Variants in DNAH14 observed in about 807,000 individuals in gnomAD.
DNAH14 encodes dynein axonemal heavy chain 14, also known as axonemal beta dynein heavy chain 14.
DNAH14 carries 478 observed loss-of-function variants against 520.9 expected under a neutral mutation model. That is an observed-to-expected ratio of 0.92 (90% CI 0.85 to 0.99). The LOEUF (loss-of-function observed/expected upper bound fraction) is 0.99, where lower values mean the gene tolerates loss of function less well. Among genes scored for constraint, DNAH14 ranks in the 50% least tolerant of loss-of-function variants. The pLI is 0.00. For missense variants in DNAH14, 4,831 were observed against 5,234.5 expected (o/e 0.92, Z 2.38); for synonymous variants, 1,581 against 1,757.2 (o/e 0.90, Z 2.51).
chr1:225,245,749 T>C (rs630210), intron 43 of DNAH14, among the ~76,000 whole-genome samples: 92,018 of 151,912 alleles, frequency 0.61, 28,434 homozygotes, highest in East Asian at 0.83. Context: ...GAAAAATATT[T>C]CATGCTCATG....
At chr1:225,095,502 G>A (rs567220960) in intron 21 of DNAH14, among the ~76,000 whole-genome samples, 31 of 152,278 alleles carry the variant, frequency 2.0e-4, no homozygotes, top group African/African-American at 7.2e-4. Context: ...GTACTTGAAG[G>A]TGGAGGGTGG....
intron 66 of DNAH14, among the ~76,000 whole-genome samples, chr1:225,333,921 G>T (rs1160769551): frequency 1.3e-5 from 2 of 152,168 alleles, no homozygotes; most frequent in Admixed American, 1.3e-4. Context: ...ATCCTATGCT[G>T]ATGTTTAAAG....
intron 10 of DNAH14, among the ~76,000 whole-genome samples, chr1:225,012,444 C>T (rs1386983197): frequency 1.3e-5 from 2 of 151,688 alleles, no homozygotes; most frequent in Admixed American, 6.6e-5. Context: ...TTGCTCTTCT[C>T]GAGGAGTATC....
chr1:224,983,322 CTTTAAG>C (rs1403306170), intron 8 of DNAH14, among the ~76,000 whole-genome samples: 4 of 152,238 alleles, frequency 2.6e-5, no homozygotes, highest in South Asian at 2.1e-4. Flanking sequence ...CACCCCTTTA[CTTTAAG>C]TTTATGTTAG....
chr1:224,944,964 A>G (rs1322581306), intron 1 of DNAH14, among the ~76,000 whole-genome samples: 1 of 152,072 alleles, frequency 6.6e-6, no homozygotes, highest in Non-Finnish European at 1.5e-5. Flanking sequence ...TCTGACAGTT[A>G]TGTGTCTTGG....
At chr1:225,118,605 G>A (rs1386579868) in intron 25 of DNAH14, among the ~76,000 whole-genome samples, 2 of 152,078 alleles carry the variant, frequency 1.3e-5, no homozygotes, top group Non-Finnish European at 2.9e-5. Context: ...GAGGAAGGCC[G>A]GGTGCAGTGG....
At chr1:225,045,681 G>T (rs530358833) in intron 15 of DNAH14, among the ~76,000 whole-genome samples, 1 of 152,190 alleles carries the variant, frequency 6.6e-6, no homozygotes, top group East Asian at 1.9e-4. Flanking sequence ...ATACCATACT[G>T]GGTGTGTGCC....
At chr1:225,153,599 A>G (rs897071433) in intron 33 of DNAH14, 151 bp from the exon 34 acceptor site, 6 of 518,614 alleles carry the variant, frequency 1.2e-5, no homozygotes, top group African/African-American at 7.9e-5. Flanking sequence ...GAATGAGAGC[A>G]TTAGCAGTAT....
At chr1:225,115,486 C>A (rs543041366) in intron 23 of DNAH14, among the ~76,000 whole-genome samples, 1 of 152,126 alleles carries the variant, frequency 6.6e-6, no homozygotes, top group African/African-American at 2.4e-5. Context: ...ACTTCATGAA[C>A]CAAGATTTTT....
chr1:225,308,381 GAAGT>G lies in DNAH14; in HGVS notation c.9215_9218del (p.Val3072GlufsTer14). The G allele has an allele frequency of 6.5e-7, 1 of 1,539,688 alleles. No individual in the cohort carries two copies. Among genetic ancestry groups the G allele is most frequent in the East Asian group, 2.5e-5 (1 of 40,408 alleles). ...ACAGGATGAAGAAATTGTGGCAGAA[GAAGT>G]AAGAATTGTGGAAGATTATGCTCAG... On this transcript the variant is annotated frameshift_variant, in exon 60 of 86. Coordinates refer to ENST00000682510, the MANE Select transcript of DNAH14 (RefSeq NM_001367479.1). LOFTEE classifies it high-confidence loss of function.
At chr1:225,086,857 C>A (rs981597314) in intron 21 of DNAH14, among the ~76,000 whole-genome samples, 1 of 152,126 alleles carries the variant, frequency 6.6e-6, no homozygotes, top group Non-Finnish European at 1.5e-5. Flanking sequence ...AGGAGAAAAT[C>A]ACATTTCAAA....
At chr1:225,383,976 G>A (rs545607553) in intron 81 of DNAH14, among the ~76,000 whole-genome samples, 18 of 152,014 alleles carry the variant, frequency 1.2e-4, no homozygotes, top group African/African-American at 4.1e-4. Flanking sequence ...TCTTTATTTC[G>A]GCCTTCATTT....
chr1:225,266,233 A>G (rs1462402831), intron 48 of DNAH14, among the ~76,000 whole-genome samples: 1 of 152,144 alleles, frequency 6.6e-6, no homozygotes, highest in Non-Finnish European at 1.5e-5. Context: ...TGCATATGGA[A>G]TAAACAGCTA....
At chr1:225,004,565 G>C (rs1170678512) in intron 9 of DNAH14, among the ~76,000 whole-genome samples, 1 of 152,194 alleles carries the variant, frequency 6.6e-6, no homozygotes, top group South Asian at 2.1e-4. Flanking sequence ...GAATAACACA[G>C]TAGGGGAAAA....
intron 9 of DNAH14, among the ~76,000 whole-genome samples, chr1:225,004,930 TA>T (rs2064050710): frequency 6.6e-6 from 1 of 152,170 alleles, no homozygotes; most frequent in Non-Finnish European, 1.5e-5. Flanking sequence ...AGCATACCTT[TA>T]AAGAGGGTGG....
chr1:225,109,720 A>G (rs777976114), intron 23 of DNAH14, among the ~76,000 whole-genome samples: 2 of 152,034 alleles, frequency 1.3e-5, no homozygotes, highest in Admixed American at 1.3e-4. Flanking sequence ...TGATTGCTCC[A>G]GCTAGGACTT....
At chr1:225,365,194 C>T (rs985825946) in intron 76 of DNAH14, among the ~76,000 whole-genome samples, 2 of 152,204 alleles carry the variant, frequency 1.3e-5, no homozygotes, top group Non-Finnish European at 2.9e-5. Context: ...ACTTCTCTAG[C>T]ATTTCTTATT....
chr1:225,340,227 AT>A (rs1322444579), intron 68 of DNAH14, among the ~76,000 whole-genome samples: 1 of 152,126 alleles, frequency 6.6e-6, no homozygotes, highest in African/African-American at 2.4e-5. Flanking sequence ...CTCCATCCTT[AT>A]GTGTAAACTA....
intron 23 of DNAH14, among the ~76,000 whole-genome samples, chr1:225,109,372 G>A (rs185701683): frequency 8.6e-5 from 13 of 151,872 alleles, no homozygotes; most frequent in South Asian, 2.1e-4. Context: ...CCATTTTTTG[G>A]TGTCCTCATC....
Sources: allele counts gnomAD v4.1 joint callset (sites outside exome capture counted in the v4.1 genomes callset), GRCh38; gene constraint gnomAD v4.1.1; transcripts MANE v1.5; gene names NCBI Gene and HGNC (gene_info 2026-07-23, HGNC 2026-07-21).